LRFN5: variants seen among roughly 807,000 people sequenced by gnomAD.
LRFN5 encodes leucine-rich repeat and fibronectin type-III domain-containing protein 5.
LRFN5 carries 24 observed loss-of-function variants against 45.6 expected under a neutral mutation model. The ratio of observed to expected loss-of-function variants is 0.53; its 90% confidence interval spans 0.38 to 0.74. The LOEUF is 0.74. Among genes scored for constraint, LRFN5 ranks in the 30% least tolerant of loss-of-function variants. LRFN5 has a pLI of 0.00. For synonymous variants in LRFN5, 340 were observed against 313.8 expected (o/e 1.08, Z -0.88); for missense variants, 776 against 861.5 (o/e 0.90, Z 1.24).
rs60722886 is a variant in LRFN5, at chr14:41,739,385, AATCATCATCATCATCATC to A, written c.-196-27447_-196-27430del. Among the ~76,000 whole-genome samples the A allele has an allele frequency of 3.4e-5, 5 of 148,424 alleles. No homozygotes were observed. The East Asian group carries it at 8.0e-4, about 24-fold the overall frequency. On this transcript the variant is annotated intron_variant, in intron 1 of 5. Coordinates refer to ENST00000298119, the MANE Select transcript of LRFN5 (RefSeq NM_152447.5). ...GAGTGGCAGAGCCAGACATTGTGTCAATCATCATCATCATCATCATCATCATCATCATCATCATCTTGA... is the reference window on the plus strand; with the variant it reads ...GAGTGGCAGAGCCAGACATTGTGTCAATCATCATCATCATCATCATCTTGA...
chr14:41,847,023 G>T (rs748388928), intron 2 of LRFN5, among the ~76,000 whole-genome samples: 1 of 152,048 alleles, frequency 6.6e-6, no homozygotes, highest in Admixed American at 6.6e-5. Context: ...TTAGGGCTTG[G>T]ACATCTTTGG....
chr14:41,894,895 AAC>A, intron 4 of LRFN5: 1 of 983,868 alleles, frequency 1.0e-6, no homozygotes, highest in Non-Finnish European at 1.2e-6. Context: ...TCCTCATTTA[AAC>A]AGTCATATAT....
chr14:41,692,049 A>C (rs1035298987), intron 1 of LRFN5, among the ~76,000 whole-genome samples: 7 of 152,106 alleles, frequency 4.6e-5, no homozygotes, highest in African/African-American at 1.4e-4. Context: ...TATTTTCTCC[A>C]ATCTTTAGAT....
intron 2 of LRFN5, among the ~76,000 whole-genome samples, chr14:41,793,875 A>T (rs1311070362): frequency 6.6e-6 from 1 of 152,076 alleles, no homozygotes; most frequent in Admixed American, 6.6e-5. Flanking sequence ...TGTATGTCCT[A>T]AATGTTCCTT....
At chr14:41,747,204 C>G (rs553036013) in intron 1 of LRFN5, among the ~76,000 whole-genome samples, 3 of 151,788 alleles carry the variant, frequency 2.0e-5, no homozygotes, top group Non-Finnish European at 4.4e-5. Context: ...AAACACATAC[C>G]GAATTTCAAG....
chr14:41,744,892 A>G (rs1884858657), intron 1 of LRFN5, among the ~76,000 whole-genome samples: 1 of 152,160 alleles, frequency 6.6e-6, no homozygotes, highest in Non-Finnish European at 1.5e-5. Context: ...GTAAAAATAT[A>G]AAGTAAAAAC....
At chr14:41,647,770 G>C (rs1193081074) in intron 1 of LRFN5, among the ~76,000 whole-genome samples, 4 of 152,076 alleles carry the variant, frequency 2.6e-5, no homozygotes, top group Admixed American at 1.3e-4. Flanking sequence ...GAAGAGATTT[G>C]ATAGTCATCC....
At chr14:41,712,765 A>C (rs1201993721) in intron 1 of LRFN5, among the ~76,000 whole-genome samples, 2 of 152,106 alleles carry the variant, frequency 1.3e-5, no homozygotes, top group African/African-American at 4.8e-5. Flanking sequence ...CAAACTTTCC[A>C]CTTTTGCTGC....
chr14:41,864,289 C>T (rs1003120051), intron 2 of LRFN5, among the ~76,000 whole-genome samples: 1 of 152,194 alleles, frequency 6.6e-6, no homozygotes, highest in African/African-American at 2.4e-5. Context: ...CTCCCGCCAA[C>T]CGTGTCAAAG....
intron 2 of LRFN5, among the ~76,000 whole-genome samples, chr14:41,856,675 A>ATTATTATTTTTTTTTTTTTTTTTTTTT: frequency 5.5e-4 from 10 of 18,334 alleles, no homozygotes; most frequent in Non-Finnish European, 8.9e-4. Flanking sequence ...TATTATTATT[A>ATTATTATTTTTTTTTTTTTTTTTTTTT]TTTTTTTTTT....
At chr14:41,900,405 G>A (rs1891067529) in intron 5 of LRFN5, among the ~76,000 whole-genome samples, 2 of 151,940 alleles carry the variant, frequency 1.3e-5, no homozygotes, top group South Asian at 4.1e-4. Flanking sequence ...TTCTTTGGAA[G>A]TCTTTGTACT....
At chr14:41,878,149 T>C (rs1890249512) in intron 2 of LRFN5, among the ~76,000 whole-genome samples, 1 of 152,156 alleles carries the variant, frequency 6.6e-6, no homozygotes, top group South Asian at 2.1e-4. Flanking sequence ...GAAATAAAAC[T>C]ATTAAAGGCA....
At chr14:41,778,944 C>T (rs1297713302) in intron 2 of LRFN5, among the ~76,000 whole-genome samples, 1 of 151,754 alleles carries the variant, frequency 6.6e-6, no homozygotes, top group East Asian at 1.9e-4. Context: ...GACGTGTCAT[C>T]TGTGAACAAA....
intron 2 of LRFN5, among the ~76,000 whole-genome samples, chr14:41,856,675 A>ATTATTTTTTTTTTTAT: frequency 1.1e-4 from 2 of 18,328 alleles, no homozygotes; most frequent in African/African-American, 2.6e-4. Context: ...TATTATTATT[A>ATTATTTTTTTTTTTAT]TTTTTTTTTT....
chr14:41,738,025 C>T (rs1455231480), intron 1 of LRFN5, among the ~76,000 whole-genome samples: 1 of 152,080 alleles, frequency 6.6e-6, no homozygotes, highest in Non-Finnish European at 1.5e-5. Flanking sequence ...CAAAAAAGAG[C>T]CTGTATAGCC....
chr14:41,829,290 A>AT (rs1888399275), intron 2 of LRFN5, among the ~76,000 whole-genome samples: 1 of 151,998 alleles, frequency 6.6e-6, no homozygotes, highest in African/African-American at 2.4e-5. Context: ...CCATGAATGA[A>AT]TTTTTGAAGA....
chr14:41,880,850 T>C (rs946969680), intron 2 of LRFN5, among the ~76,000 whole-genome samples: 1 of 152,234 alleles, frequency 6.6e-6, no homozygotes, highest in African/African-American at 2.4e-5. Context: ...GGTTTCTTGA[T>C]GAATTGATCC....
At chr14:41,675,594 A>G (rs1473460744) in intron 1 of LRFN5, among the ~76,000 whole-genome samples, 1 of 152,094 alleles carries the variant, frequency 6.6e-6, no homozygotes, top group African/African-American at 2.4e-5. Flanking sequence ...GAGACCGTGG[A>G]AAGAGGGGAC....
intron 1 of LRFN5, among the ~76,000 whole-genome samples, chr14:41,617,141 T>A (rs1887953987): frequency 6.6e-6 from 1 of 152,144 alleles, no homozygotes; most frequent in Non-Finnish European, 1.5e-5. Flanking sequence ...TTGATGAGGA[T>A]AGCACTCAAA....
Sources: allele counts gnomAD v4.1 joint callset (sites outside exome capture counted in the v4.1 genomes callset), GRCh38; gene constraint gnomAD v4.1.1; transcripts MANE v1.5; gene names NCBI Gene and HGNC (gene_info 2026-07-23, HGNC 2026-07-21).